The following KIF1A variants were observed in gnomAD, a reference collection of about 807,000 sequenced individuals.
The protein encoded by KIF1A is kinesin family member 1A, also known as kinesin-like protein KIF1A.
A neutral mutation model predicts 227.3 loss-of-function variants in KIF1A; 46 were observed. That is an observed-to-expected ratio of 0.20 (90% CI 0.16 to 0.26). The LOEUF (loss-of-function observed/expected upper bound fraction) is 0.26. Ranked by LOEUF, KIF1A falls within the 10% of genes least tolerant of loss-of-function variation. The pLI is 1.00. For synonymous variants in KIF1A, 1,022 were observed against 1,012.8 expected (o/e 1.01, Z -0.17); for missense variants, 1,683 against 2,485.9 (o/e 0.68, Z 6.87).
chr2:240,782,470 C>T, intron 10 of KIF1A, 120 bp downstream of exon 10: 4 of 1,116,132 alleles, frequency 3.6e-6, no homozygotes, highest in Non-Finnish European at 5.2e-6. Context: ...TCCACCCCCA[C>T]GTCCCCCATC....
Position 240,758,258 on chromosome 2 carries a change from G to T in KIF1A, c.2582+102C>A. Reference sequence around the variant, plus strand: ...GGAATATGGGGCTGGAAAAGCACTTGTCAGGGCCGCTCCTTGTATCAGGCC... The same window carrying T: ...GGAATATGGGGCTGGAAAAGCACTTTTCAGGGCCGCTCCTTGTATCAGGCC... On this transcript the variant is annotated intron_variant, in intron 26 of 48. Transcript: ENST00000498729. This position sits in a 1 kb window ranked among gnomAD's most constrained non-coding sequence, Gnocchi z 5.2. The T allele has an allele frequency of 7.4e-7, 1 of 1,355,428 alleles. No homozygotes were observed. The highest frequency in any genetic ancestry group is 9.9e-7 in the Non-Finnish European group (1 of 1,009,130). 84.0% of individuals were successfully genotyped at this position (1,355,428 alleles called of 1,614,324 possible). A position where few individuals can be genotyped will look rare whatever the true frequency, so the allele number is the denominator to read the frequency against.
Position 240,726,724 on chromosome 2 carries a change from G to C in KIF1A, c.4122+102C>G, listed in dbSNP as rs2046054151. ...ATTTAACCCAGGGACTTGAGAACTA[G>C]AGAAGTCGTCTGGGTCATATGGGGT... On this transcript the variant is annotated intron_variant, in intron 39 of 48. Transcript: ENST00000498729. The surrounding 1 kb of genome is among the most constrained non-coding windows in gnomAD (Gnocchi z 5.2). 3 of 564,084 alleles carry C rather than the reference G, an allele frequency of 5.3e-6. No individual in the cohort carries two copies. In the East Asian group the frequency reaches 9.0e-5, roughly 17 times the overall value. The allele number at this position is 564,084 out of a possible 1,614,324, so 34.9% of individuals were successfully genotyped here.
At chr2:240,786,885 G>A (rs576758576) in intron 5 of KIF1A, among the ~76,000 whole-genome samples, 5 of 114,742 alleles carry the variant, frequency 4.4e-5, no homozygotes, top group African/African-American at 1.3e-4. Flanking sequence ...GTGTATGTTC[G>A]AGGCAGGGGT....
chr2:240,802,767 G>A (rs1052049575), intron 1 of KIF1A, among the ~76,000 whole-genome samples: 1 of 152,118 alleles, frequency 6.6e-6, no homozygotes, highest in Non-Finnish European at 1.5e-5. Context: ...GAGGAGCTGG[G>A]ACTATGGGCA....
intron 38 of KIF1A, among the ~76,000 whole-genome samples, chr2:240,735,483 G>A (rs992309578): frequency 6.6e-6 from 1 of 152,162 alleles, no homozygotes; most frequent in African/African-American, 2.4e-5. Flanking sequence ...GGTGGGGTTG[G>A]GGGGCTGGAG....
chr2:240,745,052 C>G (rs1442390381), intron 32 of KIF1A, among the ~76,000 whole-genome samples: 1 of 152,134 alleles, frequency 6.6e-6, no homozygotes, highest in African/African-American at 2.4e-5. Context: ...GTTGCCGGCA[C>G]CCTGTAGCCC....
chr2:240,785,222 C>T (rs1318638532), intron 6 of KIF1A, 122 bp from the exon 7 acceptor site: 5 of 786,594 alleles, frequency 6.4e-6, no homozygotes, highest in South Asian at 3.3e-5. Flanking sequence ...CCCCAGGGGC[C>T]GCCCTGCTGG....
chr2:240,735,644 C>A (rs988420199), intron 38 of KIF1A, among the ~76,000 whole-genome samples: 2 of 152,080 alleles, frequency 1.3e-5, no homozygotes, highest in African/African-American at 4.8e-5. Flanking sequence ...AATTCCTGGT[C>A]CCCCATGGCC....
chr2:240,785,949 C>G (rs971274899), intron 6 of KIF1A, among the ~76,000 whole-genome samples: 4 of 152,190 alleles, frequency 2.6e-5, no homozygotes, highest in East Asian at 1.9e-4. Flanking sequence ...GGCTGCAGCA[C>G]TGCAGCCGAC....
chr2:240,725,300 A>C lies in KIF1A; in HGVS notation c.4227T>G (p.Phe1409Leu). The change falls in exon 40 of 49, where the codon TTT (phenylalanine) becomes TTG (leucine). Residue 1409 changes from phenylalanine (F) to leucine (L), a missense_variant. By Grantham distance (22) the Phe-to-Leu change is conservative (BLOSUM62 0). Coordinates refer to ENST00000498729, the MANE Select transcript of KIF1A (RefSeq NM_001244008.2). This position sits in a 1 kb window ranked among gnomAD's most constrained non-coding sequence, Gnocchi z 5.8. ...LPASRSIRNL[F>L]GSGSLRASES... ...CTGAGGCCCGAAGGCTCCCACTGCC[A>C]AAGAGGTTGCGGATGGAGCGCGAGG... 1 of 1,608,658 alleles carries C rather than the reference A, an allele frequency of 6.2e-7. No homozygotes were observed. Among genetic ancestry groups the C allele is most frequent in the Non-Finnish European group, 8.5e-7 (1 of 1,178,168 alleles).
At chr2:240,815,996 T>G (rs1420944864) in intron 1 of KIF1A, among the ~76,000 whole-genome samples, 4 of 151,968 alleles carry the variant, frequency 2.6e-5, no homozygotes, top group African/African-American at 9.7e-5. Context: ...AACCTATGGT[T>G]GTGGAGGGGG....
rs540829841 is a variant in KIF1A, at chr2:240,726,457, A to G, written c.4122+369T>C. Among the ~76,000 whole-genome samples the G allele has an allele frequency of 1.3e-5, 2 of 152,310 alleles. No individual in the cohort carries two copies. Among genetic ancestry groups the G allele is most frequent in the African/African-American group, 4.8e-5 (2 of 41,556 alleles). ...AAAACCCCATCTCTACTAAAAGTTC[A>G]AAAATTAGCCGGGCGTGGTGGCAGG... On this transcript the variant is annotated intron_variant, in intron 39 of 48. Coordinates refer to ENST00000498729, the MANE Select transcript of KIF1A (RefSeq NM_001244008.2). The surrounding 1 kb of genome is among the most constrained non-coding windows in gnomAD (Gnocchi z 5.2).
At chr2:240,805,840 A>AC (rs1429801113) in intron 1 of KIF1A, among the ~76,000 whole-genome samples, 2 of 152,352 alleles carry the variant, frequency 1.3e-5, no homozygotes, top group African/African-American at 4.8e-5. Context: ...CCATATGTTT[A>AC]GAAATTTAAA....
chr2:240,772,698 AGC>A, intron 13 of KIF1A, 102 bp from the exon 14 acceptor site: 1 of 928,184 alleles, frequency 1.1e-6, no homozygotes, highest in Non-Finnish European at 1.7e-6. Flanking sequence ...CAGGGTGGCC[AGC>A]AGTGGGTGTG....
rs761334614 is a variant in KIF1A, at chr2:240,797,802, G to T, written c.-50C>A. On this transcript the variant is annotated 5_prime_UTR_variant, in exon 2 of 49. Transcript: ENST00000498729. The stretch of plus-strand genomic sequence containing the variant: ...CTCGCAGTAGTGGGAGCCCCAGTGT[G>T]GGGGGAACACCTTGGAAAAAAGGGA... The T allele has an allele frequency of 4.3e-6, 5 of 1,174,682 alleles. No homozygotes were observed. The highest frequency in any genetic ancestry group is 4.8e-5 in the East Asian group (2 of 41,448). 72.8% of individuals were successfully genotyped at this position (1,174,682 alleles called of 1,614,324 possible).
chr2:240,756,502 C>G (rs2049863674), intron 27 of KIF1A, among the ~76,000 whole-genome samples: 1 of 152,230 alleles, frequency 6.6e-6, no homozygotes, highest in Non-Finnish European at 1.5e-5. Context: ...GTCTCCCAAC[C>G]GTGGCTTCTC....
intron 1 of KIF1A, among the ~76,000 whole-genome samples, chr2:240,799,756 G>C (rs953273180): frequency 3.3e-5 from 5 of 152,194 alleles, no homozygotes; most frequent in African/African-American, 1.2e-4. Context: ...GAGCAATTCT[G>C]CAGCACGCCC....
intron 15 of KIF1A, 40 bp from the exon 16 acceptor site, chr2:240,769,746 G>T: frequency 6.4e-7 from 1 of 1,561,716 alleles, no homozygotes. Context: ...GCCGGGGCTA[G>T]GGCCAAGGGA....
chr2:240,805,019 A>T (rs1454702392), intron 1 of KIF1A, among the ~76,000 whole-genome samples: 2 of 134,046 alleles, frequency 1.5e-5, no homozygotes, highest in African/African-American at 2.7e-5. Context: ...AGGAAAGGGA[A>T]GGGAAGGGGA....
Sources: gnomAD v4.1 joint callset for allele counts (sites outside exome capture counted in the v4.1 genomes callset) on GRCh38, gnomAD v4.1.1 for gene constraint, Gnocchi (gnomAD v3.1) non-coding constraint, MANE v1.5 for transcripts, NCBI Gene and HGNC (gene_info 2026-07-23, HGNC 2026-07-21) for gene names.